Variants in MXI1 observed in about 807,000 individuals in gnomAD.
The protein encoded by MXI1 is max-interacting protein 1.
In MXI1, 18 loss-of-function variants were observed where a neutral mutation model predicts 36.9. The observed-to-expected ratio is 0.49, with a 90% CI of 0.34 to 0.72. The LOEUF is 0.72. MXI1 is among the 30% of genes least tolerant of loss of function. The pLI, the probability that MXI1 is intolerant of heterozygous loss-of-function variation, is 0.01. For synonymous variants in MXI1, 160 were observed against 146.7 expected (o/e 1.09, Z -0.65); for missense variants, 304 against 379.1 (o/e 0.80, Z 1.64).
chr10:110,230,433 G>A (rs1024032690), intron 2 of MXI1, among the ~76,000 whole-genome samples: 1 of 152,140 alleles, frequency 6.6e-6, no homozygotes, highest in Admixed American at 6.5e-5. Flanking sequence ...GAGAATATGT[G>A]TACATTAGAC....
intron 3 of MXI1, among the ~76,000 whole-genome samples, chr10:110,278,171 G>A (rs1857103381): frequency 6.6e-6 from 1 of 152,184 alleles, no homozygotes; most frequent in Admixed American, 6.5e-5. Flanking sequence ...CAAAGATGTG[G>A]ACTAGTATTG....
In MXI1 at chr10:110,282,834, T is replaced by A. The variant is rs181663848; in HGVS notation, c.725-1990T>A. 5.3e-3 allele frequency among the ~76,000 whole-genome samples: 812 copies of A among 152,236 alleles called. 5 individuals are homozygous for A. Among genetic ancestry groups the A allele is most frequent in the South Asian group, 0.023 (111 of 4,828 alleles). On this transcript the variant is annotated intron_variant, in intron 5 of 5. Transcript: ENST00000332674. ...TTTGTTTTTTTGGGTTTTTAAAAAA[T>A]TTTTTTAAACATATTTTTAAATTTT...
chr10:110,239,967 A>C (rs965044986), intron 2 of MXI1, among the ~76,000 whole-genome samples: 33 of 150,408 alleles, frequency 2.2e-4, no homozygotes, highest in Middle Eastern at 3.2e-3. Context: ...TTTTTATGCC[A>C]TAATTTAGTT....
intron 3 of MXI1, among the ~76,000 whole-genome samples, chr10:110,268,763 A>G (rs1386919503): frequency 6.6e-6 from 1 of 152,150 alleles, no homozygotes; most frequent in Non-Finnish European, 1.5e-5. Flanking sequence ...TGGTCAGGAA[A>G]AAAAAAAAGT....
chr10:110,217,197 C>T (rs1854674279), intron 1 of MXI1, among the ~76,000 whole-genome samples: 1 of 152,126 alleles, frequency 6.6e-6, no homozygotes, highest in African/African-American at 2.4e-5. Flanking sequence ...CTCTAATATC[C>T]AACTCCAGTG....
intron 3 of MXI1, among the ~76,000 whole-genome samples, chr10:110,252,610 T>C (rs934705307): frequency 3.9e-5 from 6 of 152,138 alleles, no homozygotes; most frequent in Non-Finnish European, 7.4e-5. Flanking sequence ...TATATCTGTC[T>C]GAGTTATTTA....
chr10:110,213,858 G>A (rs1249931299), intron 1 of MXI1, among the ~76,000 whole-genome samples: 5 of 152,238 alleles, frequency 3.3e-5, no homozygotes, highest in African/African-American at 1.2e-4. Context: ...AATGAAGAGG[G>A]TGCTGGCGTG....
intron 2 of MXI1, among the ~76,000 whole-genome samples, chr10:110,239,810 AG>A (rs1299528601): frequency 6.6e-6 from 1 of 152,170 alleles, no homozygotes; most frequent in East Asian, 1.9e-4. Flanking sequence ...ATACAAAAAA[AG>A]CATACAAATC....
At chr10:110,260,862 T>C in intron 3 of MXI1, 1 of 281,234 alleles carries the variant, frequency 3.6e-6, no homozygotes, top group Non-Finnish European at 5.4e-6. Context: ...TCTAAGGAAA[T>C]GTAGTTAATC....
At chr10:110,243,500 C>CT (rs1855748298) in intron 2 of MXI1, among the ~76,000 whole-genome samples, 1 of 152,000 alleles carries the variant, frequency 6.6e-6, no homozygotes, top group Non-Finnish European at 1.5e-5. Context: ...GTTTGAGAAT[C>CT]TGATTATTAA....
intron 5 of MXI1, among the ~76,000 whole-genome samples, chr10:110,283,377 C>T (rs1857327669): frequency 6.6e-6 from 1 of 151,690 alleles, no homozygotes; most frequent in Admixed American, 6.6e-5. Context: ...GTTTCTGCTG[C>T]GTCAGCCTCC....
chr10:110,210,254 C>T, intron 1 of MXI1: 1 of 985,148 alleles, frequency 1.0e-6, no homozygotes, highest in Non-Finnish European at 1.2e-6. Flanking sequence ...GTCCGCCCTG[C>T]AAATCTGCCA....
intron 3 of MXI1, among the ~76,000 whole-genome samples, chr10:110,275,255 A>G (rs574255160): frequency 6.6e-6 from 1 of 152,118 alleles, no homozygotes; most frequent in East Asian, 1.9e-4. Flanking sequence ...GTCTTACAGC[A>G]CCCATGATTT....
At chr10:110,271,091 C>CA (rs10683812) in intron 3 of MXI1, among the ~76,000 whole-genome samples, 270 of 130,246 alleles carry the variant, frequency 2.1e-3, no homozygotes, top group Middle Eastern at 8.4e-3. Context: ...AACTACGTCT[C>CA]AAAAAAAAAA....
At chr10:110,230,691 G>T (rs914452386) in intron 2 of MXI1, among the ~76,000 whole-genome samples, 2 of 152,154 alleles carry the variant, frequency 1.3e-5, no homozygotes, top group African/African-American at 4.8e-5. Context: ...CAATACTGGG[G>T]TATTTGGACA....
chr10:110,256,099 C>T (rs945353947), intron 3 of MXI1, among the ~76,000 whole-genome samples: 1 of 152,078 alleles, frequency 6.6e-6, no homozygotes, highest in South Asian at 2.1e-4. Context: ...AACTGGATAC[C>T]TACATACAAA....
At chr10:110,238,387 A>C (rs1223059816) in intron 2 of MXI1, among the ~76,000 whole-genome samples, 1 of 152,104 alleles carries the variant, frequency 6.6e-6, no homozygotes, top group East Asian at 1.9e-4. Context: ...TTACTCAGAA[A>C]ATTTCAAGGT....
In MXI1 at chr10:110,228,107, C is replaced by T; in HGVS notation, c.275-82C>T. ...TTTTCCTGCTTTCAAAAACCTGTTA[C>T]TGCAAAGACCTCGGATTTGTGGGTC... On this transcript the variant is annotated intron_variant, in intron 1 of 5. Transcript: ENST00000332674. 5 of 1,513,288 alleles carry T rather than the reference C, an allele frequency of 3.3e-6. No individual in the cohort carries two copies. The South Asian group carries it at 5.6e-5, about 17-fold the overall frequency. The allele number at this position is 1,513,288 out of a possible 1,614,324, so 93.7% of individuals were successfully genotyped here.
At chr10:110,266,049 T>A (rs1856667822) in intron 3 of MXI1, among the ~76,000 whole-genome samples, 2 of 152,156 alleles carry the variant, frequency 1.3e-5, no homozygotes, top group Admixed American at 6.5e-5. Context: ...TTCTTACTAA[T>A]TTATGGTCGC....
Sources: allele counts gnomAD v4.1 joint callset (sites outside exome capture counted in the v4.1 genomes callset), GRCh38; gene constraint gnomAD v4.1.1; transcripts MANE v1.5; gene names NCBI Gene and HGNC (gene_info 2026-07-23, HGNC 2026-07-21).